ERBB3: variants seen among roughly 807,000 people sequenced by gnomAD.
ERBB3 encodes the protein erb-b2 receptor tyrosine kinase 3, also known as receptor tyrosine-protein kinase erbB-3.
A neutral mutation model predicts 156.7 loss-of-function variants in ERBB3; 96 were observed. The observed-to-expected ratio is 0.61, with a 90% CI of 0.52 to 0.73. ERBB3 has a LOEUF of 0.73. Among genes scored for constraint, ERBB3 ranks in the 30% least tolerant of loss-of-function variants. The pLI, the probability that ERBB3 is intolerant of heterozygous loss-of-function variation, is 0.00. For synonymous variants in ERBB3, 567 were observed against 632.0 expected (o/e 0.90, Z 1.54); for missense variants, 1,406 against 1,709.4 (o/e 0.82, Z 3.13).
At chr12:56,088,190 A>T (rs758564931) in intron 7 of ERBB3, 28 bp downstream of exon 7, 1 of 1,612,860 alleles carries the variant, frequency 6.2e-7, no homozygotes, top group Non-Finnish European at 8.5e-7. Context: ...AGGAACAATG[A>T]TCAACAATAG....
In ERBB3 at chr12:56,096,632, C is replaced by T. The variant is rs1347940720; in HGVS notation, c.2175+10C>T. 6.2e-7 allele frequency: 1 copy of T among 1,613,926 alleles called. No homozygotes were observed. The highest frequency in any genetic ancestry group is 1.3e-5 in the African/African-American group (1 of 74,866). ...TGGAACTGTGCACAAAGTGAGTGACCCATAGGAATTCTGGAGAGGTGGGGA... is the reference window on the plus strand; with the variant it reads ...TGGAACTGTGCACAAAGTGAGTGACTCATAGGAATTCTGGAGAGGTGGGGA... On this transcript the variant is annotated intron_variant, in intron 18 of 27. Transcript: ENST00000267101.
Position 56,085,039 on chromosome 12 carries a change from ATTCTC to A in ERBB3, c.281_285del (p.Phe94TyrfsTer29), listed in dbSNP as rs1394936140. 6.2e-7 allele frequency: 1 copy of A among 1,614,102 alleles called. No homozygotes were observed. Among genetic ancestry groups the A allele is most frequent in the Non-Finnish European group, 8.5e-7 (1 of 1,180,030 alleles). ...GCTATGTCCTCGTGGCCATGAATGA[ATTCTC>A]TACTCTACCATTGCCCAACCTCCGC... On this transcript the variant is annotated frameshift_variant, in exon 3 of 28. Transcript: ENST00000267101. LOFTEE classifies it high-confidence loss of function.
chr12:56,093,554 AG>A lies in ERBB3; in HGVS notation c.1480+7del. The stretch of plus-strand genomic sequence containing the variant: ...AATCGGCCGCGCAGAGACTGCGGTG[AG>A]GGAAAGGGTCTGCTAGGTGGTGAGA... On this transcript the variant is annotated splice_donor_5th_base_variant and intron_variant, in intron 12 of 27. Coordinates refer to ENST00000267101, the MANE Select transcript of ERBB3 (RefSeq NM_001982.4). 2 of 1,609,386 alleles carry A rather than the reference AG, an allele frequency of 1.2e-6. No individual in the cohort carries two copies.
At chr12:56,085,618 G>A (rs1351465400) in intron 3 of ERBB3, 2 of 269,108 alleles carry the variant, frequency 7.4e-6, no homozygotes, top group Admixed American at 4.9e-5. Context: ...TAAAAAATTA[G>A]CTGGCTATAG....
chr12:56,092,375 G>A (rs773116), intron 9 of ERBB3, among the ~76,000 whole-genome samples: 48,852 of 116,490 alleles, frequency 0.42, 10,048 homozygotes, highest in Middle Eastern at 0.53. Context: ...GGGCGATAGA[G>A]CAAGACTCTG....
In ERBB3 at chr12:56,097,034, G is replaced by T; in HGVS notation, c.2275-11G>T. On this transcript the variant is annotated splice_polypyrimidine_tract_variant and intron_variant, in intron 19 of 27. Transcript: ENST00000267101. ...GTTGGTTTCCTAGATAATACCTTTTGTGTCTCTTAGCATATGCTGGCCATT... is the reference window on the plus strand; with the variant it reads ...GTTGGTTTCCTAGATAATACCTTTTTTGTCTCTTAGCATATGCTGGCCATT... The T allele has an allele frequency of 6.2e-7, 1 of 1,613,736 alleles. No individual in the cohort carries two copies. Among genetic ancestry groups the T allele is most frequent in the Non-Finnish European group, 8.5e-7 (1 of 1,179,752 alleles).
intron 2 of ERBB3, 68 bp from the exon 3 acceptor site, chr12:56,084,927 G>A: frequency 6.2e-7 from 1 of 1,610,146 alleles, no homozygotes; most frequent in Admixed American, 1.7e-5. Context: ...AATGCCTGAA[G>A]GAGGAGAGGA....
intron 3 of ERBB3, chr12:56,085,422 C>G: frequency 7.0e-7 from 1 of 1,425,444 alleles, no homozygotes; most frequent in East Asian, 2.5e-5. Context: ...AGAGCTGGAT[C>G]TGTTAACCGT....
chr12:56,095,865 CT>C, intron 17 of ERBB3, 59 bp downstream of exon 17: 1 of 1,593,906 alleles, frequency 6.3e-7, no homozygotes, highest in Non-Finnish European at 8.6e-7. Context: ...CTGGAAGTCT[CT>C]TTATAGCTTA....
chr12:56,089,199 T>C, intron 9 of ERBB3: 1 of 459,794 alleles, frequency 2.2e-6, no homozygotes. Flanking sequence ...AGTGGCGTGA[T>C]CTCGACTCAC....
At chr12:56,080,130 C>T (rs1868333679), upstream of ERBB3, 11 of 658,400 alleles carry the variant, frequency 1.7e-5, no homozygotes, top group Admixed American at 1.9e-4. Flanking sequence ...CCCTCCCCTG[C>T]CATCCCTCCC....
chr12:56,081,547 G>C (rs1013475486), intron 1 of ERBB3, among the ~76,000 whole-genome samples: 2 of 152,208 alleles, frequency 1.3e-5, no homozygotes, highest in Non-Finnish European at 2.9e-5. Flanking sequence ...GTGGAGGGGG[G>C]TGGTCTGGGG....
Position 56,101,570 on chromosome 12 carries a change from C to G in ERBB3, c.3544C>G (p.Leu1182Val), listed in dbSNP as rs1287088483. Reference sequence around the variant, plus strand: ...GGAAGGCACCCTTTCTTCAGTGGGTCTCAGTTCTGTCCTGGGTACTGAAGA... The same window carrying G: ...GGAAGGCACCCTTTCTTCAGTGGGTGTCAGTTCTGTCCTGGGTACTGAAGA... ...SREGTLSSVG[L>V]SSVLGTEEED... The change falls in exon 28 of 28, where the codon CTC becomes GTC. Residue 1182 changes from leucine (L) to valine (V), a missense_variant. Coordinates refer to ENST00000267101, the MANE Select transcript of ERBB3 (RefSeq NM_001982.4). 2.5e-6 allele frequency: 4 copies of G among 1,613,908 alleles called. No individual in the cohort carries two copies. The highest frequency in any genetic ancestry group is 3.4e-6 in the Non-Finnish European group (4 of 1,179,994).
chr12:56,102,763 G>A lies in ERBB3; in HGVS notation c.*708G>A, dbSNP rs1439139595. The A allele has an allele frequency of 7.5e-6, 1 of 134,136 alleles. No individual in the cohort carries two copies. The highest frequency in any genetic ancestry group is 2.8e-4 in the South Asian group (1 of 3,536). 8.3% of individuals were successfully genotyped at this position (134,136 alleles called of 1,614,324 possible). On this transcript the variant is annotated 3_prime_UTR_variant, in exon 28 of 28. Coordinates refer to ENST00000267101, the MANE Select transcript of ERBB3 (RefSeq NM_001982.4). ...GCAGAAGGATTACCTGAGGCAAGGA[G>A]TTTGAGACCAGCTTAGCCAACATAG...
intron 1 of ERBB3, chr12:56,083,308 C>T (rs946357282): frequency 2.8e-5 from 9 of 316,540 alleles, no homozygotes; most frequent in Admixed American, 1.7e-4. Context: ...GTGTACTAGT[C>T]CCAAAGAGAT....
intron 4 of ERBB3, 111 bp from the exon 5 acceptor site, chr12:56,087,466 C>A: frequency 1.0e-6 from 1 of 962,438 alleles, no homozygotes; most frequent in Non-Finnish European, 1.7e-6. Flanking sequence ...ACAGCCCTGG[C>A]TTTTTGCTTC....
chr12:56,102,817 A>AAAC lies in ERBB3; in HGVS notation c.*764_*765insCAA, dbSNP rs1214136280. On this transcript the variant is annotated 3_prime_UTR_variant, in exon 28 of 28. Coordinates refer to ENST00000267101, the MANE Select transcript of ERBB3 (RefSeq NM_001982.4). ...GACCCCCATCTCTTTAAAAAAAAAA[A>AAAC]AAAAAAAAAAAAAAAAACTTTAGAA... is the stretch of plus-strand genomic sequence containing the variant. 4.8e-6 allele frequency: 1 copy of AAAC among 210,058 alleles called. No individual in the cohort carries two copies. Among genetic ancestry groups the AAAC allele is most frequent in the Non-Finnish European group, 9.6e-6 (1 of 104,124 alleles). The allele number at this position is 210,058 out of a possible 1,614,324, so 13.0% of individuals were successfully genotyped here.
chr12:56,100,353 C>CA, intron 26 of ERBB3, 108 bp downstream of exon 26: 1 of 972,396 alleles, frequency 1.0e-6, no homozygotes. Context: ...AAAAAGAAGG[C>CA]AGTGAGGGCC....
At chr12:56,083,712 T>C (rs1356375246) in intron 1 of ERBB3, 39 bp from the exon 2 acceptor site, 2 of 1,613,062 alleles carry the variant, frequency 1.2e-6, no homozygotes, top group Admixed American at 1.7e-5. Flanking sequence ...TGAGAATTTG[T>C]GTCCAGCCCT....
Sources: gnomAD v4.1 joint callset for allele counts (sites outside exome capture counted in the v4.1 genomes callset) on GRCh38, gnomAD v4.1.1 for gene constraint, MANE v1.5 for transcripts, NCBI Gene and HGNC (gene_info 2026-07-23, HGNC 2026-07-21) for gene names.